Variants in IKZF5 observed in about 807,000 individuals in gnomAD.
IKZF5 encodes the protein zinc finger protein Pegasus.
In IKZF5, 4 loss-of-function variants were observed where a neutral mutation model predicts 30.7. The ratio of observed to expected loss-of-function variants is 0.13; its 90% confidence interval spans 0.06 to 0.30. IKZF5 has a LOEUF of 0.30. IKZF5 is among the 10% of genes least tolerant of loss of function. The pLI, the probability that IKZF5 is intolerant of heterozygous loss-of-function variation, is 1.00. For missense variants in IKZF5, 348 were observed against 525.5 expected (o/e 0.66, Z 3.30); for synonymous variants, 148 against 179.6 (o/e 0.82, Z 1.41).
chr10:122,998,332 A>C (rs771221073), intron 3 of IKZF5, 161 bp downstream of exon 3: 2 of 560,970 alleles, frequency 3.6e-6, no homozygotes, highest in Non-Finnish European at 6.1e-6. Context: ...CTCCAGCAGA[A>C]GTCTGATATG....
intron 2 of IKZF5, among the ~76,000 whole-genome samples, chr10:123,002,997 T>C (rs1849646394): frequency 2.0e-5 from 3 of 151,932 alleles, no homozygotes; most frequent in South Asian, 4.2e-4. Context: ...AAATGGATGG[T>C]TGCATCTATA....
chr10:122,998,604 G>C lies in IKZF5; in HGVS notation c.22C>G (p.Pro8Ala). The C allele has an allele frequency of 1.9e-6, 3 of 1,613,006 alleles. No homozygotes were observed. The highest frequency in any genetic ancestry group is 2.5e-6 in the Non-Finnish European group (3 of 1,179,668). MGEKKPE[P>A]LDFVKDFQEY... The stretch of plus-strand genomic sequence containing the variant: ...TGAAAATCTTTCACGAAGTCCAAAG[G>C]CTCTGGTTTTTTTTCACCCATCTTT... The change falls in exon 3 of 5, where the codon CCT (proline) becomes GCT (alanine). Residue 8 changes from proline to alanine, a missense_variant. Pro to Ala is a conservative substitution (Grantham distance 27). This residue lies in a region of IKZF5 where 80 missense variants were observed against 93.2 expected (regional missense o/e 0.86). Transcript: ENST00000368886.
At chr10:123,002,393 G>A (rs982226764) in intron 2 of IKZF5, among the ~76,000 whole-genome samples, 21 of 151,400 alleles carry the variant, frequency 1.4e-4, no homozygotes, top group African/African-American at 4.4e-4. Flanking sequence ...GGCAGCAGGC[G>A]CCTGTAATCC....
Position 122,996,134 on chromosome 10 carries a change from A to G in IKZF5, c.176T>C (p.Val59Ala). ...GDQNGLDHPS[V>A]EVSLDENSGM... The stretch of plus-strand genomic sequence containing the variant: ...TGAGTTTTCATCCAAGGAAACTTCA[A>G]CAGATGGGTGATCAAGTCCATTTTG... Residue 59 changes from valine to alanine, a missense_variant, in exon 4 of 5, where the codon GTT (valine) becomes GCT (alanine). Around this residue, in one of 4 missense-constraint regions of IKZF5, gnomAD observed 80 missense variants for 93.2 expected, o/e 0.86. Coordinates refer to ENST00000368886, the MANE Select transcript of IKZF5 (RefSeq NM_001372123.1). The G allele has an allele frequency of 6.2e-7, 1 of 1,614,080 alleles. No homozygotes were observed. The highest frequency in any genetic ancestry group is 8.5e-7 in the Non-Finnish European group (1 of 1,180,020).
intron 2 of IKZF5, 116 bp downstream of exon 2, chr10:123,006,910 T>A (rs559765674): frequency 4.6e-5 from 7 of 152,106 alleles, no homozygotes; most frequent in African/African-American, 1.4e-4. Flanking sequence ...TCAAAAACTC[T>A]TGAAGGCAAA....
intron 3 of IKZF5, chr10:122,998,286 A>C (rs1849457220): frequency 2.4e-6 from 1 of 425,266 alleles, no homozygotes; most frequent in African/African-American, 2.0e-5. Flanking sequence ...ACCTTCCAAC[A>C]AGACCATAAT....
intron 2 of IKZF5, among the ~76,000 whole-genome samples, chr10:122,999,827 C>CA (rs1416326653): frequency 6.6e-6 from 1 of 152,132 alleles, no homozygotes; most frequent in Non-Finnish European, 1.5e-5. Context: ...ATAAAATAGC[C>CA]AAAAAAGTTT....
intron 3 of IKZF5, 135 bp from the exon 4 acceptor site, chr10:122,996,311 A>G: frequency 1.5e-6 from 1 of 683,852 alleles, no homozygotes; most frequent in South Asian, 1.9e-5. Context: ...TTTATAACAG[A>G]CTTTCTGAAC....
At chr10:123,007,773 G>A (rs188377281) in intron 1 of IKZF5, among the ~76,000 whole-genome samples, 146 of 152,282 alleles carry the variant, frequency 9.6e-4, no homozygotes, top group African/African-American at 3.4e-3. Context: ...ACCTTTAGCT[G>A]TTGTGACAAC....
chr10:123,001,288 G>A (rs1347911958), intron 2 of IKZF5, among the ~76,000 whole-genome samples: 1 of 152,146 alleles, frequency 6.6e-6, no homozygotes, highest in Admixed American at 6.5e-5. Context: ...TTACAGACGT[G>A]AGCCACTGCG....
At chr10:123,006,043 G>T (rs562256441) in intron 2 of IKZF5, among the ~76,000 whole-genome samples, 1 of 152,254 alleles carries the variant, frequency 6.6e-6, no homozygotes, top group South Asian at 2.1e-4. Context: ...ATTCCATGGG[G>T]TGTAGGTGGA....
Position 123,007,086 on chromosome 10 carries a change from G to A in IKZF5, c.-107C>T, listed in dbSNP as rs1849819012. Reference sequence around the variant, plus strand: ...CACTCCAACATTGATGAAATGTAGAGTAATTGAAATTTACTTCGGAGATAC... The same window carrying A: ...CACTCCAACATTGATGAAATGTAGAATAATTGAAATTTACTTCGGAGATAC... On this transcript the variant is annotated 5_prime_UTR_variant, in exon 2 of 5. Coordinates refer to ENST00000368886, the MANE Select transcript of IKZF5 (RefSeq NM_001372123.1). The A allele has an allele frequency of 6.6e-6, 1 of 152,134 alleles. No homozygotes were observed. The highest frequency in any genetic ancestry group is 1.5e-5 in the Non-Finnish European group (1 of 68,022). The allele number at this position is 152,134 out of a possible 1,614,324, so 9.4% of individuals were successfully genotyped here.
Position 123,001,511 on chromosome 10 carries a change from T to C in IKZF5, c.-46-2840A>G, listed in dbSNP as rs1202054687. ...TTTATCTGGACTTGAGTTTTGTGTATGGTGTGAGATAAGAGTCAAAGCATA... is the reference window on the plus strand; with the variant it reads ...TTTATCTGGACTTGAGTTTTGTGTACGGTGTGAGATAAGAGTCAAAGCATA... On this transcript the variant is annotated intron_variant, in intron 2 of 4. Coordinates refer to ENST00000368886, the MANE Select transcript of IKZF5 (RefSeq NM_001372123.1). Among the ~76,000 whole-genome samples the C allele has an allele frequency of 5.9e-5, 9 of 152,222 alleles. No individual in the cohort carries two copies. The East Asian group carries it at 1.7e-3, about 29-fold the overall frequency.
chr10:122,995,954 G>T (rs1256927120), intron 4 of IKZF5, 40 bp downstream of exon 4: 1 of 1,598,700 alleles, frequency 6.3e-7, no homozygotes, highest in South Asian at 1.1e-5. Context: ...CCCCTCTCCT[G>T]CCCTCACAGA....
rs776260651 is a variant in IKZF5, at chr10:122,994,763, GTTCA to G, written c.317-44_317-41del. ...AAATGATGGAGAAACTACAAGAGTAGTTCATTTATGGAAAGTTTTGCTTGTCCAT... is the reference window on the plus strand; with the variant it reads ...AAATGATGGAGAAACTACAAGAGTAGTTTATGGAAAGTTTTGCTTGTCCAT... On this transcript the variant is annotated intron_variant, in intron 4 of 4. Coordinates refer to ENST00000368886, the MANE Select transcript of IKZF5 (RefSeq NM_001372123.1). This position sits in a 1 kb window ranked among gnomAD's most constrained non-coding sequence, Gnocchi z 5.6. 1 of 1,479,926 alleles carries G rather than the reference GTTCA, an allele frequency of 6.8e-7. No homozygotes were observed. Among genetic ancestry groups the G allele is most frequent in the East Asian group, 2.3e-5 (1 of 43,738 alleles). 91.7% of individuals were successfully genotyped at this position (1,479,926 alleles called of 1,614,324 possible). A position where few individuals can be genotyped will look rare whatever the true frequency, so the allele number is the denominator to read the frequency against.
chr10:122,992,941 A>G lies in IKZF5; in HGVS notation c.*839T>C, dbSNP rs981932419. The G allele has an allele frequency of 6.6e-6, 1 of 152,648 alleles. No individual in the cohort carries two copies. Among genetic ancestry groups the G allele is most frequent in the Non-Finnish European group, 1.5e-5 (1 of 68,024 alleles). The allele number at this position is 152,648 out of a possible 1,614,324, so 9.5% of individuals were successfully genotyped here. On this transcript the variant is annotated 3_prime_UTR_variant, in exon 5 of 5. Coordinates refer to ENST00000368886, the MANE Select transcript of IKZF5 (RefSeq NM_001372123.1). The stretch of plus-strand genomic sequence containing the variant: ...GCATTTTAATAATAAGGATGACTTC[A>G]CTTTATCTCTTTGGTCATCAAAGGA...
chr10:122,995,141 GAA>G (rs34133849), intron 4 of IKZF5, among the ~76,000 whole-genome samples: 10 of 151,400 alleles, frequency 6.6e-5, no homozygotes, highest in Non-Finnish European at 1.2e-4. Flanking sequence ...TTTGCTCACA[GAA>G]AAAAAAATAC....
intron 2 of IKZF5, among the ~76,000 whole-genome samples, chr10:123,006,306 G>A (rs1418070639): frequency 6.6e-6 from 1 of 152,182 alleles, no homozygotes; most frequent in Non-Finnish European, 1.5e-5. Context: ...TATTTTGTAT[G>A]AAGTCGTCTG....
rs13328826 is a variant in IKZF5, at chr10:122,992,107, A to G, written c.*1673T>C. ...CAATGTAACAGAATTGTAGAATTTT[A>G]AAGTACAAGATTTGACAAAGAAGAG... On this transcript the variant is annotated 3_prime_UTR_variant, in exon 5 of 5. Coordinates refer to ENST00000368886, the MANE Select transcript of IKZF5 (RefSeq NM_001372123.1). 6.6e-6 allele frequency: 1 copy of G among 152,308 alleles called. No individual in the cohort carries two copies. Among genetic ancestry groups the G allele is most frequent in the Non-Finnish European group, 1.5e-5 (1 of 68,030 alleles). The allele number at this position is 152,308 out of a possible 1,614,324, so 9.4% of individuals were successfully genotyped here.
Sources: allele counts gnomAD v4.1 joint callset (sites outside exome capture counted in the v4.1 genomes callset), GRCh38; gene constraint gnomAD v4.1.1; regional missense constraint gnomAD v4.1.1; non-coding constraint Gnocchi (gnomAD v3.1); transcripts MANE v1.5; gene names NCBI Gene and HGNC (gene_info 2026-07-23, HGNC 2026-07-21).